Variants in VPS4B observed in about 807,000 individuals in gnomAD.
VPS4B encodes the protein vacuolar protein sorting-associated protein 4B.
In VPS4B, 23 loss-of-function variants were observed where a neutral mutation model predicts 56.1. That is an observed-to-expected ratio of 0.41 (90% CI 0.30 to 0.58). VPS4B has a LOEUF of 0.58. VPS4B is among the 20% of genes least tolerant of loss of function. VPS4B has a pLI of 0.29. For missense variants in VPS4B, 372 were observed against 531.9 expected (o/e 0.70, Z 2.96); for synonymous variants, 177 against 186.0 (o/e 0.95, Z 0.39).
intron 8 of VPS4B, among the ~76,000 whole-genome samples, chr18:63,398,197 A>T (rs534032008): frequency 9.7e-6 from 1 of 103,306 alleles, no homozygotes; most frequent in East Asian, 5.9e-4. Flanking sequence ...ATATACACAC[A>T]CACACACATA....
intron 10 of VPS4B, 125 bp from the exon 11 acceptor site, chr18:63,391,201 C>T: frequency 1.6e-6 from 1 of 642,864 alleles, no homozygotes; most frequent in Non-Finnish European, 2.7e-6. Context: ...TGCAGTCTGC[C>T]ATAAGATACT....
chr18:63,394,105 C>A (rs1915616986), intron 9 of VPS4B, among the ~76,000 whole-genome samples: 1 of 152,004 alleles, frequency 6.6e-6, no homozygotes, highest in South Asian at 2.1e-4. Context: ...TGTATGATCA[C>A]ACATAGAAGA....
At chr18:63,400,806 G>T in intron 5 of VPS4B, 103 bp from the exon 6 acceptor site, 3 of 1,108,022 alleles carry the variant, frequency 2.7e-6, no homozygotes, top group Non-Finnish European at 2.5e-6. Flanking sequence ...AACCTCTAAG[G>T]ATCAAAACAA....
rs780535922 is a variant in VPS4B at position 63,411,486 on chromosome 18, A to G, written c.120T>C (p.Tyr40=). 1 of 1,581,586 alleles carries G rather than the reference A, an allele frequency of 6.3e-7. No individual in the cohort carries two copies. Among genetic ancestry groups the G allele is most frequent in the Non-Finnish European group, 8.6e-7 (1 of 1,164,464 alleles). ...ALQLYQHAVQ[Y]FLHVVKYEAQ... is the part of the protein sequence containing the mutation. ...CCTCACATTTAACGACATGAAGAAA[A>G]TACTGCACAGCATGCTGATAGAGCT... The change falls in exon 2 of 11, where the codon TAT becomes TAC. Residue 40 remains tyrosine, a synonymous_variant. Coordinates refer to ENST00000238497, the MANE Select transcript of VPS4B (RefSeq NM_004869.4).
chr18:63,405,578 TG>T (rs1413967436), intron 4 of VPS4B, among the ~76,000 whole-genome samples: 4 of 152,146 alleles, frequency 2.6e-5, no homozygotes, highest in African/African-American at 4.8e-5. Flanking sequence ...TTTAAGTATT[TG>T]GTTTTTTTTC....
At chr18:63,392,526 GC>G (rs760316795) in intron 10 of VPS4B, among the ~76,000 whole-genome samples, 1 of 151,738 alleles carries the variant, frequency 6.6e-6, no homozygotes, top group Non-Finnish European at 1.5e-5. Context: ...TCGGCTCACT[GC>G]AACCTCCGCC....
intron 1 of VPS4B, among the ~76,000 whole-genome samples, chr18:63,419,160 C>T (rs562260751): frequency 3.3e-5 from 5 of 152,284 alleles, no homozygotes; most frequent in Middle Eastern, 3.4e-3. Flanking sequence ...CAGTGGCTCA[C>T]GCCTGTAATT....
chr18:63,421,595 C>T (rs906633823), intron 1 of VPS4B, among the ~76,000 whole-genome samples: 5 of 152,172 alleles, frequency 3.3e-5, no homozygotes, highest in African/African-American at 1.2e-4. Flanking sequence ...AACGATTAAG[C>T]CTAAAATCTT....
rs147130607 is a variant in VPS4B, at chr18:63,393,533, C to A, written c.1109G>T (p.Arg370Leu). 29 of 1,593,748 alleles carry A rather than the reference C, an allele frequency of 1.8e-5. No homozygotes were observed. The South Asian group carries it at 3.2e-4, about 18-fold the overall frequency. The change falls in exon 10 of 11, where the codon CGA (arginine) becomes CTA (leucine). Residue 370 changes from arginine to leucine, a missense_variant. Around this residue, in one of 3 missense-constraint regions of VPS4B, gnomAD observed 153 missense variants for 190.9 expected, o/e 0.80. Transcript: ENST00000238497. ...ATCTACAAGATGGTTAGGATCAGCT[C>A]GGGAAGGTCCGCGAACCTGAAATAA... ...THFKKVRGPS[R>L]ADPNHLVDDL... is the part of the protein sequence containing the mutation.
At position 63,403,835 on chromosome 18, in the gene VPS4B, A is replaced by C. The variant is rs762287814; in HGVS notation, c.365-9T>G. The C allele has an allele frequency of 3.1e-6, 5 of 1,595,152 alleles. No individual in the cohort carries two copies. In the South Asian group the frequency reaches 5.8e-5, roughly 18 times the overall value. ...TTCTATAACAATGGCACCTGCAAAA[A>C]ATTACGTTATCTTTAAATTAAGAAA... On this transcript the variant is annotated splice_polypyrimidine_tract_variant and intron_variant, in intron 4 of 10. Transcript: ENST00000238497.
At position 63,397,082 on chromosome 18, in the gene VPS4B, G is replaced by A. The variant is rs761404293; in HGVS notation, c.1044C>T (p.Ala348=). ...GADISIIVRD[A]LMQPVRKVQS... The stretch of plus-strand genomic sequence containing the variant: ...GTACTTTCCTAACAGGCTGCATAAG[G>A]GCATCACGTACAATGATACTTATAT... The change falls in exon 9 of 11, where the codon GCC becomes GCT. Residue 348 remains alanine (A), a synonymous_variant. Transcript: ENST00000238497. The A allele has an allele frequency of 1.9e-6, 3 of 1,613,900 alleles. No homozygotes were observed. The highest frequency in any genetic ancestry group is 2.5e-6 in the Non-Finnish European group (3 of 1,179,998).
rs1299146564 is a variant in VPS4B, at chr18:63,391,097, T to C, written c.1234-21A>G. On this transcript the variant is annotated intron_variant, in intron 10 of 10. Transcript: ENST00000238497. ...TCCGACTGTCAGGGAAAAAGAAGGG[T>C]AGGGAGGATATTAATAATAGAGTTA... The C allele has an allele frequency of 3.4e-6, 5 of 1,487,784 alleles. No homozygotes were observed. The African/African-American group carries it at 6.9e-5, about 21-fold the overall frequency. The allele number at this position is 1,487,784 out of a possible 1,614,324, so 92.2% of individuals were successfully genotyped here. A position where few individuals can be genotyped will look rare whatever the true frequency, so the allele number is the denominator to read the frequency against.
intron 1 of VPS4B, among the ~76,000 whole-genome samples, chr18:63,414,388 T>A (rs189820373): frequency 2.1e-3 from 316 of 150,910 alleles, no homozygotes; most frequent in African/African-American, 6.9e-3. Context: ...AAAAAAAAAA[T>A]GCATCTCAAA....
intron 10 of VPS4B, among the ~76,000 whole-genome samples, 168 bp from the exon 11 acceptor site, chr18:63,391,244 T>TC (rs942402441): frequency 6.6e-6 from 1 of 151,780 alleles, no homozygotes; most frequent in Non-Finnish European, 1.5e-5. Context: ...TTTTTTTTTT[T>TC]TGAGTTGGAG....
chr18:63,397,366 T>C (rs1397171062), intron 8 of VPS4B, 113 bp from the exon 9 acceptor site: 2 of 966,864 alleles, frequency 2.1e-6, no homozygotes, highest in Non-Finnish European at 3.0e-6. Flanking sequence ...AACATATATA[T>C]TTAGGTTAAA....
Position 63,396,741 on chromosome 18 carries a change from G to A in VPS4B, c.1092+293C>T, listed in dbSNP as rs192508225. ...AAAAGGGCCAGGCGCAGTGGCTCACGCCTTTGGGAGGCCGAGGTGGGTGGA... is the reference window on the plus strand; with the variant it reads ...AAAAGGGCCAGGCGCAGTGGCTCACACCTTTGGGAGGCCGAGGTGGGTGGA... On this transcript the variant is annotated intron_variant, in intron 9 of 10. Transcript: ENST00000238497. 243 of 337,628 alleles carry A rather than the reference G, an allele frequency of 7.2e-4. No individual in the cohort carries two copies. In the Middle Eastern group the frequency reaches 8.3e-3, roughly 12 times the overall value. 20.9% of individuals were successfully genotyped at this position (337,628 alleles called of 1,614,324 possible). A position where few individuals can be genotyped will look rare whatever the true frequency, so the allele number is the denominator to read the frequency against.
chr18:63,396,685 C>A, intron 9 of VPS4B: 1 of 228,106 alleles, frequency 4.4e-6, no homozygotes, highest in East Asian at 1.1e-4. Context: ...AAACCAATGA[C>A]GGTCTTGAAA....
chr18:63,422,357 G>A lies in VPS4B; in HGVS notation c.-98C>T, dbSNP rs1310761100. Reference sequence around the variant, plus strand: ...ACGGGGTAACAGCCCTCAAACTGGGGAGGCCGGTGGTTCTCGGACCGCGAA... The same window carrying A: ...ACGGGGTAACAGCCCTCAAACTGGGAAGGCCGGTGGTTCTCGGACCGCGAA... On this transcript the variant is annotated 5_prime_UTR_variant, in exon 1 of 11. Transcript: ENST00000238497. 1 of 1,226,534 alleles carries A rather than the reference G, an allele frequency of 8.2e-7. No individual in the cohort carries two copies. Among genetic ancestry groups the A allele is most frequent in the African/African-American group, 1.6e-5 (1 of 63,268 alleles). The allele number at this position is 1,226,534 out of a possible 1,614,324, so 76.0% of individuals were successfully genotyped here.
chr18:63,410,579 T>A, intron 2 of VPS4B, 133 bp from the exon 3 acceptor site: 1 of 1,174,014 alleles, frequency 8.5e-7, no homozygotes, highest in Non-Finnish European at 1.2e-6. Flanking sequence ...CTCTAACTCA[T>A]CATAGCCAAT....
Sources: allele counts gnomAD v4.1 joint callset (sites outside exome capture counted in the v4.1 genomes callset), GRCh38; gene constraint gnomAD v4.1.1; regional missense constraint gnomAD v4.1.1; transcripts MANE v1.5; gene names NCBI Gene and HGNC (gene_info 2026-07-23, HGNC 2026-07-21).